The following DIP2C variants were observed in gnomAD, a reference collection of about 807,000 sequenced individuals.
DIP2C encodes DIP2 acetate--CoA ligase C (putative).
Under a neutral mutation model 192.4 loss-of-function variants are expected in DIP2C, and 33 were observed. The ratio of observed to expected loss-of-function variants is 0.17; its 90% confidence interval spans 0.13 to 0.23. The LOEUF (loss-of-function observed/expected upper bound fraction) is 0.23. DIP2C is among the 10% of genes least tolerant of loss of function. DIP2C has a pLI of 1.00. For synonymous variants in DIP2C, 979 were observed against 864.1 expected (o/e 1.13, Z -2.33); for missense variants, 1,537 against 2,110.1 (o/e 0.73, Z 5.32).
At chr10:557,881 G>GGGGAGGGGGCAGGGGC (rs1486093757) in intron 1 of DIP2C, among the ~76,000 whole-genome samples, 3 of 120,874 alleles carry the variant, frequency 2.5e-5, no homozygotes, top group Non-Finnish European at 3.6e-5. Flanking sequence ...AGGCAGGCAG[G>GGGGAGGGGGCAGGGGC]GGGAGGGGGC....
chr10:343,086 G>A (rs1056634078), intron 28 of DIP2C, among the ~76,000 whole-genome samples: 13 of 152,134 alleles, frequency 8.5e-5, no homozygotes, highest in Non-Finnish European at 5.9e-5. Flanking sequence ...TCAGGAGATC[G>A]AGAACATCCT....
chr10:401,815 A>T (rs1472590078), intron 9 of DIP2C, among the ~76,000 whole-genome samples: 1 of 151,202 alleles, frequency 6.6e-6, no homozygotes, highest in Non-Finnish European at 1.5e-5. Flanking sequence ...CAGCACATGA[A>T]TCCTATGATT....
chr10:688,855 G>A (rs1039530608), intron 1 of DIP2C, among the ~76,000 whole-genome samples: 1 of 152,138 alleles, frequency 6.6e-6, no homozygotes, highest in Non-Finnish European at 1.5e-5. Context: ...TGACGATTCC[G>A]CCCAGCCCTC....
At chr10:389,868 G>T in intron 13 of DIP2C, 123 bp downstream of exon 13, 1 of 765,676 alleles carries the variant, frequency 1.3e-6, no homozygotes, top group Non-Finnish European at 2.2e-6. Flanking sequence ...ATAAGTTCAT[G>T]TCAGCGGAGC....
intron 1 of DIP2C, among the ~76,000 whole-genome samples, chr10:572,683 A>G (rs1033868430): frequency 2.5e-4 from 38 of 152,220 alleles, no homozygotes; most frequent in African/African-American, 8.7e-4. Context: ...AAACTTCTCC[A>G]TAATAGACAA....
At position 665,384 on chromosome 10, in the gene DIP2C, G is replaced by A. The variant is rs185448891; in HGVS notation, c.85+24110C>T. ...AACTGAAAAGAAAAACGGGGGATAG[G>A]TAATAAATAATTATGTAATCTAAAG... is the stretch of plus-strand genomic sequence containing the variant. On this transcript the variant is annotated intron_variant, in intron 1 of 36. Transcript: ENST00000280886. 103 of 152,128 alleles carry A rather than the reference G, an allele frequency of 6.8e-4. 1 individual carries two copies. The highest frequency in any genetic ancestry group is 2.4e-3 in the African/African-American group (100 of 41,518). 9.4% of individuals were successfully genotyped at this position (152,128 alleles called of 1,614,324 possible). A position where few individuals can be genotyped will look rare whatever the true frequency, so the allele number is the denominator to read the frequency against.
intron 3 of DIP2C, among the ~76,000 whole-genome samples, chr10:464,147 C>A (rs76407631): frequency 6.6e-6 from 1 of 151,960 alleles, no homozygotes; most frequent in African/African-American, 2.4e-5. Flanking sequence ...TGACAAATGG[C>A]ATCTAATTAA....
chr10:435,073 C>G (rs1360110181), intron 4 of DIP2C, among the ~76,000 whole-genome samples: 1 of 151,758 alleles, frequency 6.6e-6, no homozygotes, highest in Non-Finnish European at 1.5e-5. Flanking sequence ...GTTAAAAATA[C>G]TTCTTCTGTT....
intron 8 of DIP2C, among the ~76,000 whole-genome samples, chr10:410,739 T>G (rs567976285): frequency 6.6e-6 from 1 of 152,362 alleles, no homozygotes; most frequent in South Asian, 2.1e-4. Flanking sequence ...CTAAGAGTCT[T>G]GACATCCTAA....
In DIP2C at chr10:341,266, A is replaced by AGG; in HGVS notation, c.3515_3516dup (p.Ser1173ProfsTer33). 1 of 1,614,200 alleles carries AGG rather than the reference A, an allele frequency of 6.2e-7. No homozygotes were observed. The highest frequency in any genetic ancestry group is 8.5e-7 in the Non-Finnish European group (1 of 1,180,034). Reference sequence around the variant, plus strand: ...TCCAGGCAGATGGCCACTTCTCTAGAGGGGTAAAGTTCACACTGCAGCTTA... The same window carrying AGG: ...TCCAGGCAGATGGCCACTTCTCTAGAGGGGGGTAAAGTTCACACTGCAGCTTA... On this transcript the variant is annotated frameshift_variant, in exon 29 of 37. Transcript: ENST00000280886. LOFTEE classifies it high-confidence loss of function.
At chr10:552,889 G>A (rs998858445) in intron 1 of DIP2C, among the ~76,000 whole-genome samples, 3 of 152,192 alleles carry the variant, frequency 2.0e-5, no homozygotes, top group Non-Finnish European at 2.9e-5. Flanking sequence ...CCTGGCTCCC[G>A]CCATCTCCAC....
intron 10 of DIP2C, among the ~76,000 whole-genome samples, chr10:398,768 C>CA (rs1964185458): frequency 6.7e-6 from 1 of 150,192 alleles, no homozygotes; most frequent in South Asian, 2.2e-4. Context: ...AACACCTGAA[C>CA]AAAAGCAGCA....
At chr10:320,602 CAGGG>C (rs1217881162) in intron 31 of DIP2C, among the ~76,000 whole-genome samples, 1 of 151,846 alleles carries the variant, frequency 6.6e-6, no homozygotes, top group Non-Finnish European at 1.5e-5. Context: ...ACTGGACACT[CAGGG>C]AGGGAGATTC....
chr10:513,985 A>G (rs1031362010), intron 1 of DIP2C, among the ~76,000 whole-genome samples: 7 of 152,232 alleles, frequency 4.6e-5, no homozygotes, highest in African/African-American at 1.7e-4. Flanking sequence ...CAGTCTTGGC[A>G]ATGTACAAAT....
intron 1 of DIP2C, among the ~76,000 whole-genome samples, chr10:546,699 A>G (rs930176780): frequency 6.6e-6 from 1 of 152,186 alleles, no homozygotes; most frequent in African/African-American, 2.4e-5. Flanking sequence ...TCTGTCCTGC[A>G]CTTGAGTGGC....
chr10:391,151 C>T (rs184280669), intron 10 of DIP2C, among the ~76,000 whole-genome samples: 3 of 152,258 alleles, frequency 2.0e-5, no homozygotes, highest in Admixed American at 6.5e-5. Context: ...TTCAGCGGGT[C>T]GCGTTAAGAG....
chr10:617,589 G>A (rs577766488), intron 1 of DIP2C, among the ~76,000 whole-genome samples: 4 of 152,024 alleles, frequency 2.6e-5, no homozygotes, highest in South Asian at 2.1e-4. Flanking sequence ...ATTGCTCCAC[G>A]CAGTGACCTG....
At chr10:635,716 C>T (rs762213326) in intron 1 of DIP2C, among the ~76,000 whole-genome samples, 2 of 152,232 alleles carry the variant, frequency 1.3e-5, no homozygotes, top group Non-Finnish European at 2.9e-5. Context: ...GGAAATTGCC[C>T]CTGGGCACTG....
chr10:384,034 C>A lies in DIP2C; in HGVS notation c.1869G>T (p.Ala623=), dbSNP rs748374624. The A allele has an allele frequency of 1.3e-6, 2 of 1,598,884 alleles. No individual in the cohort carries two copies. Among genetic ancestry groups the A allele is most frequent in the South Asian group, 2.3e-5 (2 of 87,898 alleles). The change falls in exon 16 of 37, where the codon GCG becomes GCT. Residue 623 remains alanine (A), a synonymous_variant. Transcript: ENST00000280886. ...SLRMLIVADG[A]NPWSISSCDA... Reference sequence around the variant, plus strand: ...CACACGCTCCTCACTTACAGGGGTTCGCGCCGTCCGCCACTATCAGCATTC... The same window carrying A: ...CACACGCTCCTCACTTACAGGGGTTAGCGCCGTCCGCCACTATCAGCATTC...
Sources: allele counts gnomAD v4.1 joint callset (sites outside exome capture counted in the v4.1 genomes callset), GRCh38; gene constraint gnomAD v4.1.1; transcripts MANE v1.5; gene names NCBI Gene and HGNC (gene_info 2026-07-23, HGNC 2026-07-21).